Variants in SLC22A3 observed in about 807,000 individuals in gnomAD.
The protein encoded by SLC22A3 is solute carrier family 22 member 3, also known as EMT organic cation transporter 3.
A neutral mutation model predicts 59.1 loss-of-function variants in SLC22A3; 51 were observed. The ratio of observed to expected loss-of-function variants is 0.86; its 90% CI spans 0.69 to 1.09. The LOEUF is 1.09. Among genes scored for constraint, SLC22A3 ranks in the 50% least tolerant of loss-of-function variants. SLC22A3 has a pLI of 0.00. For synonymous variants in SLC22A3, 325 were observed against 292.0 expected, an observed-to-expected ratio of 1.11 and a Z score of -1.15; for missense variants, 711 against 726.3, an observed-to-expected ratio of 0.98 and a Z score of 0.24.
chr6:160,449,139 A>C (rs1236780569), intron 10 of SLC22A3, among the ~76,000 whole-genome samples: 1 of 152,222 alleles, frequency 6.6e-6, no homozygotes, highest in African/African-American at 2.4e-5. Context: ...AAATGGAAGA[A>C]AAGGGAGTCC....
intron 9 of SLC22A3, among the ~76,000 whole-genome samples, chr6:160,447,373 C>T (rs531677837): frequency 7.2e-5 from 11 of 152,166 alleles, no homozygotes; most frequent in East Asian, 5.8e-4. Flanking sequence ...AGTGAGCGGG[C>T]GCAGAGGGGA....
At chr6:160,371,367 G>A (rs1339845593) in intron 1 of SLC22A3, among the ~76,000 whole-genome samples, 2 of 152,036 alleles carry the variant, frequency 1.3e-5, no homozygotes, top group Admixed American at 1.3e-4. Flanking sequence ...GGTGTGTGAT[G>A]TTCCCCTCCC....
chr6:160,392,809 T>C (rs1352585504), intron 1 of SLC22A3, among the ~76,000 whole-genome samples: 1 of 152,172 alleles, frequency 6.6e-6, no homozygotes. Context: ...AAAATGGAAG[T>C]TGCCCATGGA....
At chr6:160,362,277 T>C (rs1280997080) in intron 1 of SLC22A3, among the ~76,000 whole-genome samples, 9 of 152,270 alleles carry the variant, frequency 5.9e-5, no homozygotes, top group African/African-American at 1.9e-4. Context: ...GATTTTCTTT[T>C]GGGCAATCCA....
intron 1 of SLC22A3, among the ~76,000 whole-genome samples, chr6:160,391,574 C>T (rs1439972421): frequency 6.6e-6 from 1 of 152,212 alleles, no homozygotes; most frequent in Non-Finnish European, 1.5e-5. Flanking sequence ...CAAGTCAAGA[C>T]ATCCAGGCTG....
chr6:160,358,926 G>T (rs763225914), intron 1 of SLC22A3, among the ~76,000 whole-genome samples: 1 of 152,198 alleles, frequency 6.6e-6, no homozygotes, highest in Non-Finnish European at 1.5e-5. Context: ...CTCAGTGAGG[G>T]CTGAAGACTC....
At position 160,380,892 on chromosome 6, in the gene SLC22A3, T is replaced by C. The variant is rs532983635; in HGVS notation, c.430-17087T>C. 4.7e-3 allele frequency among the ~76,000 whole-genome samples: 709 copies of C among 152,268 alleles called. 3 individuals carry two copies. Among genetic ancestry groups the C allele is most frequent in the African/African-American group, 0.016 (684 of 41,572 alleles). ...GAAAATTCAAGATATGTGGTCACAA[T>C]TGAGGTGTTCAGCTTCTAGAGCGAA... is the stretch of plus-strand genomic sequence containing the variant. On this transcript the variant is annotated intron_variant, in intron 1 of 10. Transcript: ENST00000275300.
At chr6:160,426,180 T>C in intron 5 of SLC22A3, 1 of 985,464 alleles carries the variant, frequency 1.0e-6, no homozygotes, top group Non-Finnish European at 1.2e-6. Context: ...TGACTTTCTC[T>C]GGAATACTTC....
At chr6:160,380,600 G>A (rs758103082) in intron 1 of SLC22A3, among the ~76,000 whole-genome samples, 1 of 152,142 alleles carries the variant, frequency 6.6e-6, no homozygotes, top group Admixed American at 6.5e-5. Flanking sequence ...ATGCATATCA[G>A]TGTGGAAATG....
chr6:160,444,192 A>G (rs1034199894), intron 9 of SLC22A3, among the ~76,000 whole-genome samples: 2 of 152,086 alleles, frequency 1.3e-5, no homozygotes, highest in African/African-American at 4.8e-5. Flanking sequence ...CAACATAGCA[A>G]GACTGCCTTG....
chr6:160,377,933 T>C lies in SLC22A3; in HGVS notation c.430-20046T>C, dbSNP rs575630573. 2.0e-5 allele frequency among the ~76,000 whole-genome samples: 3 copies of C among 152,250 alleles called. No homozygotes were observed. In the South Asian group the frequency reaches 6.2e-4, roughly 31 times the overall value. ...TGCTTTGTGAAATTGGTTTATTTAG[T>C]GTTATGTTCCTCCTGTAAACCTTTT... On this transcript the variant is annotated intron_variant, in intron 1 of 10. Coordinates refer to ENST00000275300, the MANE Select transcript of SLC22A3 (RefSeq NM_021977.4).
intron 5 of SLC22A3, among the ~76,000 whole-genome samples, chr6:160,421,764 C>A (rs962454833): frequency 6.6e-6 from 1 of 152,034 alleles, no homozygotes; most frequent in African/African-American, 2.4e-5. Flanking sequence ...AGTGAGTTTG[C>A]CTGTCCTTTT....
chr6:160,397,100 G>C (rs1362024230), intron 1 of SLC22A3, among the ~76,000 whole-genome samples: 6 of 152,090 alleles, frequency 3.9e-5, no homozygotes, highest in Non-Finnish European at 7.4e-5. Context: ...TGGCACTAGG[G>C]ACCAGTTTTG....
chr6:160,397,496 G>A (rs1287296780), intron 1 of SLC22A3, among the ~76,000 whole-genome samples: 1 of 152,100 alleles, frequency 6.6e-6, no homozygotes, highest in East Asian at 1.9e-4. Flanking sequence ...AGCACTTTGG[G>A]AGTTTGAGGT....
chr6:160,385,275 C>T (rs1785957611), intron 1 of SLC22A3, among the ~76,000 whole-genome samples: 1 of 152,220 alleles, frequency 6.6e-6, no homozygotes, highest in Non-Finnish European at 1.5e-5. Context: ...TGGCCAGCAT[C>T]TTCTCTTCAT....
chr6:160,398,368 G>A (rs78945729), intron 2 of SLC22A3, among the ~76,000 whole-genome samples: 51 of 152,244 alleles, frequency 3.3e-4, no homozygotes, highest in African/African-American at 1.0e-3. Context: ...CATCATGACT[G>A]GGTTGATGCA....
intron 6 of SLC22A3, 53 bp downstream of exon 6, chr6:160,436,930 C>G (rs929803757): frequency 1.2e-6 from 2 of 1,607,990 alleles, no homozygotes; most frequent in Non-Finnish European, 1.7e-6. Context: ...TACAATACAT[C>G]CCTTCCTTCA....
In SLC22A3 at chr6:160,418,325, A is replaced by G. The variant is rs953490041; in HGVS notation, c.975+7479A>G. 2.0e-5 allele frequency among the ~76,000 whole-genome samples: 3 copies of G among 152,152 alleles called. No homozygotes were observed. In the South Asian group the frequency reaches 6.2e-4, roughly 31 times the overall value. On this transcript the variant is annotated intron_variant, in intron 5 of 10. Transcript: ENST00000275300. The stretch of plus-strand genomic sequence containing the variant: ...GACTCCAGGTTCTTCTTGCACTTAC[A>G]TGAGTGGTTTGCCAGGGGCTCTCGG...
intron 1 of SLC22A3, among the ~76,000 whole-genome samples, chr6:160,375,843 G>T (rs1187827317): frequency 6.6e-6 from 1 of 152,112 alleles, no homozygotes. Context: ...GGGTTGAGAG[G>T]TATGGACCCA....
Sources: allele counts gnomAD v4.1 joint callset (sites outside exome capture counted in the v4.1 genomes callset), GRCh38; gene constraint gnomAD v4.1.1; transcripts MANE v1.5; gene names NCBI Gene and HGNC (gene_info 2026-07-23, HGNC 2026-07-21).